The following PAQR8 variants were observed in gnomAD, a reference collection of about 807,000 sequenced individuals.
PAQR8 encodes membrane progestin receptor beta.
A neutral mutation model predicts 25.2 loss-of-function variants in PAQR8; 17 were observed. The observed-to-expected ratio is 0.67, with a 90% confidence interval of 0.46 to 1.01. PAQR8 has a LOEUF of 1.01. Ranked by LOEUF, PAQR8 falls within the 50% of genes least tolerant of loss-of-function variation. The pLI, the probability that PAQR8 is intolerant of heterozygous loss-of-function variation, is 0.00. For synonymous variants in PAQR8, 204 were observed against 190.6 expected (o/e 1.07, Z -0.58); for missense variants, 392 against 448.4 (o/e 0.87, Z 1.14).
intron 1 of PAQR8, among the ~76,000 whole-genome samples, chr6:52,363,295 C>T (rs1315009636): frequency 1.3e-5 from 2 of 152,282 alleles, no homozygotes; most frequent in African/African-American, 4.8e-5. Context: ...GTCCAGGAGC[C>T]TTGGCAGGCT....
intron 1 of PAQR8, among the ~76,000 whole-genome samples, chr6:52,400,411 G>T (rs1763816708): frequency 6.6e-6 from 1 of 152,170 alleles, no homozygotes; most frequent in African/African-American, 2.4e-5. Context: ...TTCTTTTTCA[G>T]CCCTGTAAGG....
At chr6:52,377,825 G>A (rs1581790760) in intron 1 of PAQR8, among the ~76,000 whole-genome samples, 3 of 150,996 alleles carry the variant, frequency 2.0e-5, no homozygotes, top group East Asian at 2.0e-4. Context: ...TATCTTCTTC[G>A]CATTGGTATC....
At chr6:52,364,622 T>A (rs555331191) in intron 1 of PAQR8, among the ~76,000 whole-genome samples, 1 of 152,322 alleles carries the variant, frequency 6.6e-6, no homozygotes, top group Admixed American at 6.5e-5. Context: ...GCAACACATT[T>A]CCTGATTGCC....
rs1763864415 is a variant in PAQR8 at position 52,403,458 on chromosome 6, AT to A, written c.248del (p.Leu83TyrfsTer69). The A allele has an allele frequency of 1.2e-6, 2 of 1,614,000 alleles. No homozygotes were observed. The highest frequency in any genetic ancestry group is 1.7e-6 in the Non-Finnish European group (2 of 1,180,024). On this transcript the variant is annotated frameshift_variant, in exon 2 of 2. Transcript: ENST00000442253. LOFTEE classifies it high-confidence loss of function. Reference sequence around the variant, plus strand: ...AACGAGGTGGTCAACGTCTGGACCCATTTACTGGCAGCCCTGGCCGTCCTCT... The same window carrying A: ...AACGAGGTGGTCAACGTCTGGACCCATTACTGGCAGCCCTGGCCGTCCTCT... Reference protein sequence around the residue: ...KHNEVVNVWTHLLAALAVLLR... With the variant: ...KHNEVVNVWTXLLAALAVLLR...
rs1282010801 is a variant in PAQR8 at position 52,406,672 on chromosome 6, C to T, written c.*2394C>T. ...CGACCTCCCCAGCTCAAGCAATCCT[C>T]CCACCTCAGCCTCCTAAGTACCTGG... is the stretch of plus-strand genomic sequence containing the variant. On this transcript the variant is annotated 3_prime_UTR_variant, in exon 2 of 2. Transcript: ENST00000442253. The T allele has an allele frequency of 1.7e-5, 7 of 404,966 alleles. No homozygotes were observed. The highest frequency in any genetic ancestry group is 2.2e-5 in the Non-Finnish European group (5 of 225,380). 25.1% of individuals were successfully genotyped at this position (404,966 alleles called of 1,614,324 possible). A position where few individuals can be genotyped will look rare whatever the true frequency, so the allele number is the denominator to read the frequency against.
chr6:52,368,967 A>G (rs575882085), intron 1 of PAQR8, among the ~76,000 whole-genome samples: 14 of 152,204 alleles, frequency 9.2e-5, no homozygotes, highest in African/African-American at 3.1e-4. Flanking sequence ...GGCTTCTCCC[A>G]TTGCTTGGCA....
At chr6:52,391,291 G>A (rs1213584121) in intron 1 of PAQR8, among the ~76,000 whole-genome samples, 2 of 152,078 alleles carry the variant, frequency 1.3e-5, no homozygotes, top group Admixed American at 6.5e-5. Context: ...CACATATCAT[G>A]TGTATCTTTG....
chr6:52,391,218 C>A (rs184077757), intron 1 of PAQR8, among the ~76,000 whole-genome samples: 1 of 152,164 alleles, frequency 6.6e-6, no homozygotes, highest in African/African-American at 2.4e-5. Context: ...TGAGAATGTA[C>A]AATGTGCTAG....
intron 1 of PAQR8, among the ~76,000 whole-genome samples, chr6:52,388,997 G>A (rs552872632): frequency 7.2e-5 from 11 of 152,324 alleles, no homozygotes; most frequent in African/African-American, 2.6e-4. Context: ...AGTTCTAACA[G>A]TGCTCCAGTG....
At chr6:52,374,746 C>T (rs1167502082) in intron 1 of PAQR8, among the ~76,000 whole-genome samples, 4 of 152,048 alleles carry the variant, frequency 2.6e-5, no homozygotes, top group Non-Finnish European at 4.4e-5. Flanking sequence ...CCTTACCTGT[C>T]CTGTCCCATC....
intron 1 of PAQR8, among the ~76,000 whole-genome samples, chr6:52,393,213 G>A (rs1763729499): frequency 6.6e-6 from 1 of 152,086 alleles, no homozygotes. Flanking sequence ...AATAGTACTG[G>A]TGTCAGGTAT....
intron 1 of PAQR8, among the ~76,000 whole-genome samples, chr6:52,393,903 G>A (rs1763738557): frequency 6.6e-6 from 1 of 152,206 alleles, no homozygotes; most frequent in Admixed American, 6.5e-5. Flanking sequence ...TGAAGCATGA[G>A]TAGGAGTTGG....
intron 1 of PAQR8, among the ~76,000 whole-genome samples, chr6:52,372,700 C>G (rs72927462): frequency 0.13 from 19,534 of 150,394 alleles, 1,358 homozygotes; most frequent in Middle Eastern, 0.22. Context: ...GCCCATCAAC[C>G]AATTTCAGTA....
chr6:52,376,320 C>G (rs1455192394), intron 1 of PAQR8, among the ~76,000 whole-genome samples: 4 of 152,090 alleles, frequency 2.6e-5, no homozygotes, highest in Non-Finnish European at 5.9e-5. Flanking sequence ...CTGCTCCAGG[C>G]CTGCCTGTCT....
At chr6:52,401,480 T>C (rs2113951963) in intron 1 of PAQR8, among the ~76,000 whole-genome samples, 1 of 152,376 alleles carries the variant, frequency 6.6e-6, no homozygotes, top group African/African-American at 2.4e-5. Context: ...GCTGTATTCG[T>C]CTGTCACTGA....
chr6:52,388,866 A>G (rs1763663718), intron 1 of PAQR8, among the ~76,000 whole-genome samples: 1 of 152,182 alleles, frequency 6.6e-6, no homozygotes, highest in South Asian at 2.1e-4. Context: ...TGAATTTGAG[A>G]GAGAAGTGGG....
chr6:52,402,943 G>C (rs1763852648), intron 1 of PAQR8, among the ~76,000 whole-genome samples: 1 of 152,098 alleles, frequency 6.6e-6, no homozygotes, highest in Non-Finnish European at 1.5e-5. Context: ...AATTATCCGG[G>C]CGTGTTGGCG....
At chr6:52,393,333 CTTTTTTT>C (rs35079265) in intron 1 of PAQR8, among the ~76,000 whole-genome samples, 4 of 111,190 alleles carry the variant, frequency 3.6e-5, no homozygotes, top group African/African-American at 1.0e-4. Flanking sequence ...CTTTCTCTCT[CTTTTTTT>C]TTTTTTTTTT....
chr6:52,382,474 TGTG>T (rs1763572590), intron 1 of PAQR8, among the ~76,000 whole-genome samples: 1 of 152,094 alleles, frequency 6.6e-6, no homozygotes, highest in African/African-American at 2.4e-5. Flanking sequence ...ACTAAAGAAT[TGTG>T]GTATATTCAT....
Sources: gnomAD v4.1 joint callset for allele counts (sites outside exome capture counted in the v4.1 genomes callset) on GRCh38, gnomAD v4.1.1 for gene constraint, MANE v1.5 for transcripts, NCBI Gene and HGNC (gene_info 2026-07-23, HGNC 2026-07-21) for gene names.